The following LMNTD1 variants were observed in gnomAD, a reference collection of about 807,000 sequenced individuals.
The protein encoded by LMNTD1 is lamin tail domain containing 1.
In LMNTD1, 35 loss-of-function variants were observed where a neutral mutation model predicts 50.9. The observed-to-expected ratio is 0.69, with a 90% CI of 0.53 to 0.91. The LOEUF is 0.91. Ranked by LOEUF, LMNTD1 falls within the 40% of genes least tolerant of loss-of-function variation. The probability of loss-of-function intolerance (pLI) is 0.00; values close to 1 mark genes in which losing one functional copy is unlikely to be tolerated. For synonymous variants in LMNTD1, 153 were observed against 161.9 expected (o/e 0.94, Z 0.42); for missense variants, 470 against 475.5 (o/e 0.99, Z 0.11).
chr12:25,587,761 G>T lies in LMNTD1; in HGVS notation c.59-41207C>A, dbSNP rs558632709. On this transcript the variant is annotated intron_variant, in intron 1 of 7. Coordinates refer to the LMNTD1 transcript ENST00000445693. ...TTTTCTTCTTTCTTCCTTTTTAATG[G>T]TTAAGGGAGGGCATATTGCCTAGGC... Among the ~76,000 whole-genome samples the T allele has an allele frequency of 1.3e-5, 2 of 152,292 alleles. 1 individual carries two copies. Among genetic ancestry groups the T allele is most frequent in the African/African-American group, 4.8e-5 (2 of 41,554 alleles).
rs375941068 is a variant in LMNTD1 at position 25,487,569 on chromosome 12, A to G, written c.*23-11109T>C. ...GGTTTCCTGAATACAGCACACTGAT[A>G]GGTCTTGACTCTTTATCCAATTTGC... On this transcript the variant is annotated intron_variant, in intron 9 of 9. Coordinates refer to ENST00000458174, the MANE Select transcript of LMNTD1 (RefSeq NM_001145728.2). 3.5e-4 allele frequency among the ~76,000 whole-genome samples: 48 copies of G among 138,540 alleles called. No homozygotes were observed. In the Admixed American group the frequency reaches 3.5e-3, roughly 10 times the overall value. The allele number at this position is 138,540 out of a possible 152,430, so 90.9% of individuals were successfully genotyped here.
intron 1 of LMNTD1, among the ~76,000 whole-genome samples, chr12:25,630,111 C>T (rs1170376837): frequency 2.0e-5 from 3 of 152,094 alleles, no homozygotes; most frequent in Non-Finnish European, 2.9e-5. Context: ...AGGGTGCCTG[C>T]ACATGCTCAA....
intron 1 of LMNTD1, among the ~76,000 whole-genome samples, chr12:25,644,912 C>T (rs1947033940): frequency 6.6e-6 from 1 of 151,982 alleles, no homozygotes; most frequent in African/African-American, 2.4e-5. Context: ...CACTCTTGTC[C>T]AATATTAGAT....
intron 4 of LMNTD1, among the ~76,000 whole-genome samples, chr12:25,542,146 T>C (rs1003578102): frequency 2.5e-4 from 38 of 151,718 alleles, no homozygotes; most frequent in Non-Finnish European, 2.9e-5. Flanking sequence ...AGTTCAACCA[T>C]TGTGGAAGTC....
intron 2 of LMNTD1, 68 bp downstream of exon 2, chr12:25,552,803 A>C: frequency 1.1e-6 from 1 of 928,546 alleles, no homozygotes; most frequent in Non-Finnish European, 1.7e-6. Context: ...AAAGAGGTCA[A>C]GCATGCCATC....
intron 1 of LMNTD1, among the ~76,000 whole-genome samples, chr12:25,599,148 G>A (rs1444242021): frequency 6.6e-6 from 1 of 151,886 alleles, no homozygotes; most frequent in Non-Finnish European, 1.5e-5. Flanking sequence ...AGGATACAAG[G>A]ATGGTTCAAT....
At chr12:25,509,680 G>A (rs1940107243) in intron 8 of LMNTD1, among the ~76,000 whole-genome samples, 1 of 152,126 alleles carries the variant, frequency 6.6e-6, no homozygotes, top group Non-Finnish European at 1.5e-5. Flanking sequence ...ATAAAATTAA[G>A]ATGAGGTCCT....
intron 9 of LMNTD1, among the ~76,000 whole-genome samples, chr12:25,483,514 G>A (rs1231683997): frequency 1.3e-5 from 2 of 151,768 alleles, no homozygotes; most frequent in Non-Finnish European, 2.9e-5. Flanking sequence ...GCTCATGCCT[G>A]TAATCCTAGC....
chr12:25,496,157 G>A (rs963554323), intron 9 of LMNTD1, among the ~76,000 whole-genome samples: 19 of 152,110 alleles, frequency 1.2e-4, no homozygotes, highest in African/African-American at 4.3e-4. Context: ...CTTGTTTCAC[G>A]TGTTCCTATT....
intron 1 of LMNTD1, among the ~76,000 whole-genome samples, chr12:25,573,100 C>G (rs902966378): frequency 6.6e-6 from 1 of 152,050 alleles, no homozygotes; most frequent in Non-Finnish European, 1.5e-5. Context: ...TCGTCCAACT[C>G]CCCGACCTCC....
At chr12:25,542,880 T>C (rs925618921) in intron 4 of LMNTD1, among the ~76,000 whole-genome samples, 2 of 151,636 alleles carry the variant, frequency 1.3e-5, no homozygotes, top group Admixed American at 6.6e-5. Flanking sequence ...TCAATAAAAC[T>C]AAATCTCTAG....
chr12:25,606,392 G>A (rs1332658960), intron 1 of LMNTD1, among the ~76,000 whole-genome samples: 3 of 152,092 alleles, frequency 2.0e-5, no homozygotes, highest in African/African-American at 7.2e-5. Flanking sequence ...GTGAGAGAGG[G>A]CATCCCTGTC....
chr12:25,530,735 C>G (rs1367609743), intron 4 of LMNTD1, among the ~76,000 whole-genome samples: 1 of 152,048 alleles, frequency 6.6e-6, no homozygotes, highest in Non-Finnish European at 1.5e-5. Flanking sequence ...AGACTTTAAC[C>G]CTTTGTGGTA....
At chr12:25,542,027 A>T (rs918367729) in intron 4 of LMNTD1, among the ~76,000 whole-genome samples, 1 of 151,898 alleles carries the variant, frequency 6.6e-6, no homozygotes, top group Non-Finnish European at 1.5e-5. Flanking sequence ...ATGAGATACC[A>T]TCTCACACCA....
At chr12:25,492,058 G>A (rs1938901370) in intron 9 of LMNTD1, among the ~76,000 whole-genome samples, 1 of 152,164 alleles carries the variant, frequency 6.6e-6, no homozygotes. Context: ...TTCAAACTAT[G>A]GGAAAGTAAG....
chr12:25,627,902 G>A (rs1055998383), intron 1 of LMNTD1, among the ~76,000 whole-genome samples: 1 of 151,752 alleles, frequency 6.6e-6, no homozygotes, highest in Non-Finnish European at 1.5e-5. Context: ...GAGGTCAGGA[G>A]ATCGAGACCA....
At chr12:25,596,314 T>TA (rs1013198940) in intron 1 of LMNTD1, among the ~76,000 whole-genome samples, 4 of 151,988 alleles carry the variant, frequency 2.6e-5, no homozygotes, top group Non-Finnish European at 4.4e-5. Flanking sequence ...ATATAGGTGC[T>TA]AAAATCCTTA....
At chr12:25,535,543 T>C (rs554688072) in intron 4 of LMNTD1, among the ~76,000 whole-genome samples, 2 of 151,916 alleles carry the variant, frequency 1.3e-5, no homozygotes, top group Non-Finnish European at 2.9e-5. Flanking sequence ...CCAAAAATAA[T>C]GATAATGAGA....
chr12:25,500,403 T>C (rs118016774), intron 9 of LMNTD1, among the ~76,000 whole-genome samples: 3,403 of 152,210 alleles, frequency 0.022, 75 homozygotes, highest in South Asian at 0.038. Flanking sequence ...GAATATCCCA[T>C]GTTTGGACTG....
Sources: gnomAD v4.1 joint callset for allele counts (sites outside exome capture counted in the v4.1 genomes callset) on GRCh38, gnomAD v4.1.1 for gene constraint, MANE v1.5 for transcripts, NCBI Gene and HGNC (gene_info 2026-07-23, HGNC 2026-07-21) for gene names.